Variants in SPAST observed in about 807,000 individuals in gnomAD.
SPAST encodes spastin.
In SPAST, 30 loss-of-function variants were observed where a neutral mutation model predicts 76.6. That is an observed-to-expected ratio of 0.39 (90% CI 0.29 to 0.53). The LOEUF (loss-of-function observed/expected upper bound fraction) is 0.53. Ranked by LOEUF, SPAST falls within the 20% of genes least tolerant of loss-of-function variation. The pLI, the probability that SPAST is intolerant of heterozygous loss-of-function variation, is 0.68. For missense variants in SPAST, 717 were observed against 770.5 expected, an observed-to-expected ratio of 0.93 and a Z score of 0.82; for synonymous variants, 305 against 281.0, an observed-to-expected ratio of 1.09 and a Z score of -0.86.
chr2:32,078,628 T>G (rs1361439859), intron 1 of SPAST, among the ~76,000 whole-genome samples: 1 of 152,184 alleles, frequency 6.6e-6, no homozygotes, highest in East Asian at 1.9e-4. Context: ...CCAGCTTGGG[T>G]GACAGAGTGA....
At chr2:32,078,937 A>G (rs1478884457) in intron 1 of SPAST, among the ~76,000 whole-genome samples, 2 of 152,068 alleles carry the variant, frequency 1.3e-5, no homozygotes, top group Non-Finnish European at 2.9e-5. Flanking sequence ...TTGCAGCCTC[A>G]ATCTCCTGCT....
intron 1 of SPAST, among the ~76,000 whole-genome samples, chr2:32,066,439 G>A (rs1218591606): frequency 2.0e-5 from 3 of 152,130 alleles, no homozygotes; most frequent in Middle Eastern, 3.2e-3. Context: ...GGAGGCCGGG[G>A]CGGGTGGATC....
intron 1 of SPAST, among the ~76,000 whole-genome samples, chr2:32,073,459 C>T (rs1349718959): frequency 6.6e-6 from 1 of 152,146 alleles, no homozygotes; most frequent in Non-Finnish European, 1.5e-5. Context: ...ATTGTCTACT[C>T]TTCTATATTA....
chr2:32,075,552 T>TTC (rs1553397122), intron 1 of SPAST, among the ~76,000 whole-genome samples: 2 of 133,844 alleles, frequency 1.5e-5, no homozygotes, highest in East Asian at 4.7e-4. Context: ...TTTTTCTTTT[T>TTC]TTTTTTTTTT....
chr2:32,147,594 G>T (rs970562778), intron 16 of SPAST, among the ~76,000 whole-genome samples: 3 of 151,852 alleles, frequency 2.0e-5, no homozygotes, highest in African/African-American at 7.3e-5. Flanking sequence ...TGGGATTACA[G>T]GCTTGAGCCG....
chr2:32,063,608 AG>A lies in SPAST; in HGVS notation c.-220del, dbSNP rs1204567939. ...GCGGAGAGGACAGCGACAGGAAGGG[AG>A]GGGCCCGAGCCACCGACTGCAGGAG... On this transcript the variant is annotated 5_prime_UTR_variant, in exon 1 of 17. Coordinates refer to ENST00000315285, the MANE Select transcript of SPAST (RefSeq NM_014946.4). 3 of 568,760 alleles carry A rather than the reference AG, an allele frequency of 5.3e-6. No homozygotes were observed. The highest frequency in any genetic ancestry group is 9.1e-6 in the Non-Finnish European group (3 of 329,292). 35.2% of individuals were successfully genotyped at this position (568,760 alleles called of 1,614,324 possible).
At chr2:32,079,657 C>CA (rs1299938107) in intron 1 of SPAST, among the ~76,000 whole-genome samples, 1 of 149,436 alleles carries the variant, frequency 6.7e-6, no homozygotes, top group African/African-American at 2.5e-5. Context: ...TTCCTGGACT[C>CA]AAGCAGTCCT....
chr2:32,132,580 A>T (rs1471263545), intron 9 of SPAST, among the ~76,000 whole-genome samples: 1 of 150,964 alleles, frequency 6.6e-6, no homozygotes, highest in Non-Finnish European at 1.5e-5. Flanking sequence ...ACTTAATGTT[A>T]TATCTGCTTC....
At chr2:32,149,812 C>G (rs1315699084) in intron 16 of SPAST, among the ~76,000 whole-genome samples, 1 of 152,030 alleles carries the variant, frequency 6.6e-6, no homozygotes, top group African/African-American at 2.4e-5. Flanking sequence ...GGACTTTAAG[C>G]GTTTGCGGAT....
chr2:32,107,336 C>T (rs993052133), intron 4 of SPAST, among the ~76,000 whole-genome samples: 4 of 152,058 alleles, frequency 2.6e-5, no homozygotes, highest in Admixed American at 2.6e-4. Context: ...CCCCTAACCC[C>T]ATCCCTGTGG....
intron 15 of SPAST, 104 bp from the exon 16 acceptor site, chr2:32,147,114 G>C: frequency 1.3e-6 from 1 of 776,518 alleles, no homozygotes; most frequent in East Asian, 2.5e-5. Context: ...ATAATGATTT[G>C]TACTGAATAG....
At chr2:32,089,365 G>GT (rs1432467630) in intron 2 of SPAST, among the ~76,000 whole-genome samples, 157 bp from the exon 3 acceptor site, 1 of 151,210 alleles carries the variant, frequency 6.6e-6, no homozygotes, top group Non-Finnish European at 1.5e-5. Context: ...AATTTCTTCT[G>GT]TTTTCTTTCT....
Position 32,115,783 on chromosome 2 carries a change from A to G in SPAST, c.952A>G (p.Arg318Gly). 2 of 1,611,948 alleles carry G rather than the reference A, an allele frequency of 1.2e-6. No individual in the cohort carries two copies. Among genetic ancestry groups the G allele is most frequent in the Non-Finnish European group, 1.7e-6 (2 of 1,178,356 alleles). The change falls in exon 6 of 17, where the codon AGG (arginine) becomes GGG (glycine). Residue 318 changes from arginine (R) to glycine (G), a missense_variant. By Grantham distance (125) the Arg-to-Gly change is moderately radical (BLOSUM62 -2). Coordinates refer to ENST00000315285, the MANE Select transcript of SPAST (RefSeq NM_014946.4). ...TAAGAAAAAAGACTTGAAGAATTTT[A>G]GGAATGTGGACAGCAACCTTGCTAA... is the stretch of plus-strand genomic sequence containing the variant. ...TRKKKDLKNF[R>G]NVDSNLANLI...
intron 1 of SPAST, among the ~76,000 whole-genome samples, chr2:32,082,463 G>A (rs1017191861): frequency 2.6e-5 from 4 of 151,970 alleles, no homozygotes; most frequent in Admixed American, 6.6e-5. Flanking sequence ...TTGGGAGGCC[G>A]AGGCAGGTGG....
intron 13 of SPAST, among the ~76,000 whole-genome samples, chr2:32,142,508 G>T (rs190677469): frequency 1.3e-5 from 2 of 152,212 alleles, no homozygotes; most frequent in Admixed American, 1.3e-4. Flanking sequence ...TTCACCTCCT[G>T]GGTTCAAGTG....
At position 32,063,565 on chromosome 2, in the gene SPAST, GC is replaced by G; in HGVS notation, c.-266del. On this transcript the variant is annotated 5_prime_UTR_variant, in exon 1 of 17. Transcript: ENST00000315285. ...GAAGACGTGCGCGTGCGCGGCCGCC[GC>G]TGGGAGCCACCAGGCGGCGGAGAGG... 1 of 501,196 alleles carries G rather than the reference GC, an allele frequency of 2.0e-6. No individual in the cohort carries two copies. 31.0% of individuals were successfully genotyped at this position (501,196 alleles called of 1,614,324 possible).
chr2:32,091,824 ACT>A (rs1558307864), intron 3 of SPAST, among the ~76,000 whole-genome samples: 2 of 151,468 alleles, frequency 1.3e-5, no homozygotes, highest in Non-Finnish European at 2.9e-5. Context: ...AAAGAGCGAG[ACT>A]CTGTCTCAAA....
At chr2:32,115,324 T>G (rs917593366) in intron 5 of SPAST, among the ~76,000 whole-genome samples, 1 of 152,190 alleles carries the variant, frequency 6.6e-6, no homozygotes, top group African/African-American at 2.4e-5. Flanking sequence ...AATACCAAGT[T>G]TTGCTTACCC....
intron 1 of SPAST, among the ~76,000 whole-genome samples, chr2:32,066,842 C>T (rs1676531696): frequency 6.6e-6 from 1 of 151,830 alleles, no homozygotes; most frequent in South Asian, 2.1e-4. Flanking sequence ...GGCGCAGTGG[C>T]AAATGCCTGT....
Sources: allele counts gnomAD v4.1 joint callset (sites outside exome capture counted in the v4.1 genomes callset), GRCh38; gene constraint gnomAD v4.1.1; transcripts MANE v1.5; gene names NCBI Gene and HGNC (gene_info 2026-07-23, HGNC 2026-07-21).